NHS: variants seen among roughly 807,000 people sequenced by gnomAD.
NHS encodes NHS actin remodeling regulator, also known as actin remodeling regulator NHS.
In NHS, 5 loss-of-function variants were observed where a neutral mutation model predicts 72.5. The ratio of observed to expected loss-of-function variants is 0.07; its 90% CI spans 0.04 to 0.14. The LOEUF is 0.14. NHS is among the 10% of genes least tolerant of loss of function. The pLI, the probability that NHS is intolerant of heterozygous loss-of-function variation, is 1.00. For synonymous variants in NHS, 464 were observed against 547.7 expected, an observed-to-expected ratio of 0.85 and a Z score of 2.13; for missense variants, 1,072 against 1,355.7, an observed-to-expected ratio of 0.79 and a Z score of 3.29.
chrX:17,648,732 G>A (rs2065917249), intron 1 of NHS, among the ~76,000 whole-genome samples: 1 of 112,030 alleles, frequency 8.9e-6, no homozygotes, highest in African/African-American at 3.2e-5. Flanking sequence ...AAAGAAAAAG[G>A]TTTTGAACAG....
intron 1 of NHS, among the ~76,000 whole-genome samples, chrX:17,556,240 A>G (rs753631017): frequency 1.4e-4 from 16 of 112,876 alleles, no homozygotes; most frequent in Non-Finnish European, 2.2e-4. Flanking sequence ...AGCTTTTTCT[A>G]TCTGAGCAGG....
intron 1 of NHS, among the ~76,000 whole-genome samples, chrX:17,474,769 G>A (rs2146905438): frequency 8.9e-6 from 1 of 111,783 alleles, no homozygotes; most frequent in East Asian, 2.8e-4. Context: ...TGAGCCCTCA[G>A]AAGCCAATAA....
At chrX:17,557,109 T>TTGTGTGTGTG (rs56659086) in intron 1 of NHS, 263 of 87,653 alleles carry the variant, frequency 3.0e-3, no homozygotes, top group African/African-American at 0.011. Flanking sequence ...AAGGGGGATT[T>TTGTGTGTGTG]TGTGTGTGTG....
At chrX:17,458,036 G>T (rs757616553) in intron 1 of NHS, among the ~76,000 whole-genome samples, 4 of 111,799 alleles carry the variant, frequency 3.6e-5, no homozygotes, top group East Asian at 2.8e-4. Flanking sequence ...GTTAGAAGTA[G>T]AAAAATGAAT....
chrX:17,380,549 C>T (rs962183915), intron 1 of NHS, among the ~76,000 whole-genome samples: 4 of 110,380 alleles, frequency 3.6e-5, no homozygotes, highest in South Asian at 7.9e-4. Context: ...GACAGGGTTT[C>T]GCCATGTTAC....
intron 1 of NHS, among the ~76,000 whole-genome samples, chrX:17,520,199 A>G (rs972937262): frequency 8.9e-6 from 1 of 112,144 alleles, no homozygotes; most frequent in African/African-American, 3.2e-5. Context: ...TCCCTAAAGG[A>G]TTAGGCGAGA....
chrX:17,403,297 CTACT>C (rs2064511648), intron 1 of NHS, among the ~76,000 whole-genome samples: 1 of 112,227 alleles, frequency 8.9e-6, no homozygotes, highest in East Asian at 2.8e-4. Context: ...CACATACAGT[CTACT>C]TATGTGTCCA....
intron 1 of NHS, among the ~76,000 whole-genome samples, chrX:17,493,084 A>G (rs1601731749): frequency 1.8e-5 from 2 of 111,715 alleles, no homozygotes; most frequent in South Asian, 7.6e-4. Flanking sequence ...CAATATGATG[A>G]ACCTTTCCTA....
intron 1 of NHS, among the ~76,000 whole-genome samples, chrX:17,644,043 G>A (rs1018590692): frequency 8.9e-6 from 1 of 112,244 alleles, no homozygotes; most frequent in Non-Finnish European, 1.9e-5. Context: ...GAAATAACAA[G>A]TAGCAAATAT....
intron 1 of NHS, among the ~76,000 whole-genome samples, chrX:17,591,599 G>A (rs1192291650): frequency 1.8e-5 from 2 of 111,646 alleles, no homozygotes; most frequent in East Asian, 2.8e-4. Flanking sequence ...TTGACACTGC[G>A]TAGTTTTAAA....
chrX:17,595,677 A>G (rs1270171235), intron 1 of NHS, among the ~76,000 whole-genome samples: 4 of 112,279 alleles, frequency 3.6e-5, no homozygotes, highest in Non-Finnish European at 7.5e-5. Context: ...CCTTTCCTGT[A>G]TGGTCAAGAC....
intron 1 of NHS, among the ~76,000 whole-genome samples, chrX:17,411,728 T>C: frequency 8.9e-6 from 1 of 112,060 alleles, no homozygotes; most frequent in Non-Finnish European, 1.9e-5. Flanking sequence ...TTGAAATATA[T>C]CCAGGTAGTG....
intron 1 of NHS, among the ~76,000 whole-genome samples, chrX:17,412,963 T>TA (rs763638182): frequency 2.4e-4 from 27 of 112,776 alleles, no homozygotes; most frequent in African/African-American, 8.7e-4. Context: ...TGAAAGTTTA[T>TA]AAAAAACAGG....
At chrX:17,396,671 A>G (rs1272581443) in intron 1 of NHS, among the ~76,000 whole-genome samples, 1 of 112,178 alleles carries the variant, frequency 8.9e-6, no homozygotes, top group African/African-American at 3.2e-5. Flanking sequence ...TTAGGAAGAT[A>G]CTGATTGTAT....
chrX:17,634,811 T>A (rs2065837649), intron 1 of NHS, among the ~76,000 whole-genome samples: 1 of 111,939 alleles, frequency 8.9e-6, no homozygotes, highest in African/African-American at 3.3e-5. Context: ...ACCATTCTTG[T>A]CCTTTCGGTG....
intron 1 of NHS, among the ~76,000 whole-genome samples, chrX:17,398,040 TCTC>T (rs2064484957): frequency 2.7e-5 from 3 of 112,433 alleles, no homozygotes; most frequent in African/African-American, 9.7e-5. Context: ...TGAAACTACT[TCTC>T]CTCTTCAGGC....
chrX:17,646,063 C>T (rs1488522260), intron 1 of NHS, among the ~76,000 whole-genome samples: 1 of 111,780 alleles, frequency 8.9e-6, no homozygotes, highest in African/African-American at 3.3e-5. Flanking sequence ...GCAATCCTCC[C>T]ACCCCAGCCT....
chrX:17,418,585 G>A (rs181032451), intron 1 of NHS, among the ~76,000 whole-genome samples: 2 of 111,777 alleles, frequency 1.8e-5, no homozygotes, highest in East Asian at 2.8e-4. Context: ...TTACAGGTTC[G>A]GGCTACTTTG....
chrX:17,520,007 C>A (rs766887811), intron 1 of NHS, among the ~76,000 whole-genome samples: 3 of 87,783 alleles, frequency 3.4e-5, no homozygotes, highest in Non-Finnish European at 6.3e-5. Context: ...GAGCAAATGT[C>A]AAGACTTACA....
Sources: allele counts gnomAD v4.1 joint callset (sites outside exome capture counted in the v4.1 genomes callset), GRCh38; gene constraint gnomAD v4.1.1; transcripts MANE v1.5; gene names NCBI Gene and HGNC (gene_info 2026-07-23, HGNC 2026-07-21).